The following CORO2A variants were observed in gnomAD, a reference collection of about 807,000 sequenced individuals.
CORO2A encodes the protein coronin 2A.
A neutral mutation model predicts 62.4 loss-of-function variants in CORO2A; 47 were observed. The ratio of observed to expected loss-of-function variants is 0.75; its 90% CI spans 0.60 to 0.96. The LOEUF (loss-of-function observed/expected upper bound fraction) is 0.96, where lower values mean the gene tolerates loss of function less well. Ranked by LOEUF, CORO2A falls within the 40% of genes least tolerant of loss-of-function variation. The pLI is 0.00. For synonymous variants in CORO2A, 273 were observed against 268.9 expected, an observed-to-expected ratio of 1.02 and a Z score of -0.15; for missense variants, 610 against 684.1, an observed-to-expected ratio of 0.89 and a Z score of 1.21.
chr9:98,184,914 C>T (rs114069454), intron 1 of CORO2A, among the ~76,000 whole-genome samples: 2,246 of 152,256 alleles, frequency 0.015, 51 homozygotes, highest in African/African-American at 0.051. Context: ...TAGGTAGGTG[C>T]CTGGCATTTT....
chr9:98,148,782 A>C (rs963482638), intron 2 of CORO2A, among the ~76,000 whole-genome samples: 9 of 147,326 alleles, frequency 6.1e-5, no homozygotes, highest in African/African-American at 1.5e-4. Context: ...AACAAACAAA[A>C]AAAACAAAAC....
At chr9:98,191,976 C>T (rs865830932) in intron 1 of CORO2A, among the ~76,000 whole-genome samples, 2 of 152,208 alleles carry the variant, frequency 1.3e-5, no homozygotes, top group Non-Finnish European at 2.9e-5. Flanking sequence ...GTCCAGCCAC[C>T]TCCAACCTAG....
At chr9:98,191,584 A>G (rs1416066146) in intron 1 of CORO2A, among the ~76,000 whole-genome samples, 2 of 152,154 alleles carry the variant, frequency 1.3e-5, no homozygotes, top group Non-Finnish European at 2.9e-5. Context: ...AACTAGTGAG[A>G]TTCCTATCAC....
chr9:98,162,102 T>TCC (rs1197339194), intron 1 of CORO2A, among the ~76,000 whole-genome samples: 5 of 152,124 alleles, frequency 3.3e-5, no homozygotes, highest in Non-Finnish European at 2.9e-5. Context: ...GCTACCTTGC[T>TCC]CCCCCGTTCA....
At chr9:98,131,330 C>CT (rs60302015) in intron 6 of CORO2A, among the ~76,000 whole-genome samples, 52,134 of 145,270 alleles carry the variant, frequency 0.36, 9,592 homozygotes, top group East Asian at 0.45. Context: ...TAACAAATCA[C>CT]TTTTTTTTTT....
chr9:98,136,027 C>T (rs1428385604), intron 3 of CORO2A, among the ~76,000 whole-genome samples: 1 of 152,234 alleles, frequency 6.6e-6, no homozygotes, highest in Non-Finnish European at 1.5e-5. Flanking sequence ...AGGAACACCC[C>T]ATAAATTCAC....
At chr9:98,173,074 G>A (rs1296096825) in intron 1 of CORO2A, among the ~76,000 whole-genome samples, 1 of 152,232 alleles carries the variant, frequency 6.6e-6, no homozygotes, top group Non-Finnish European at 1.5e-5. Flanking sequence ...GGAGGCCGAG[G>A]TGGGAGGATC....
chr9:98,172,264 C>T (rs1398752040), intron 1 of CORO2A, among the ~76,000 whole-genome samples: 1 of 148,700 alleles, frequency 6.7e-6, no homozygotes, highest in African/African-American at 2.5e-5. Context: ...GAGCTCAGTC[C>T]CACACCCCAC....
chr9:98,130,666 T>G (rs1373554279), intron 7 of CORO2A, among the ~76,000 whole-genome samples: 1 of 152,206 alleles, frequency 6.6e-6, no homozygotes, highest in Non-Finnish European at 1.5e-5. Context: ...TCCTACCCAG[T>G]GGAGACCTGT....
chr9:98,126,456 C>A, intron 11 of CORO2A, 93 bp downstream of exon 11: 1 of 1,495,292 alleles, frequency 6.7e-7, no homozygotes, highest in South Asian at 1.3e-5. Flanking sequence ...TTATTCTTCT[C>A]ATGCCTCATT....
At chr9:98,188,693 G>A (rs1828268169) in intron 1 of CORO2A, among the ~76,000 whole-genome samples, 1 of 152,264 alleles carries the variant, frequency 6.6e-6, no homozygotes, top group East Asian at 1.9e-4. Flanking sequence ...GAACCCAGGA[G>A]GCAGAGGCGG....
intron 1 of CORO2A, among the ~76,000 whole-genome samples, chr9:98,175,399 C>T (rs1828094235): frequency 6.6e-6 from 1 of 152,210 alleles, no homozygotes; most frequent in Admixed American, 6.5e-5. Context: ...ACCAGGGACC[C>T]CCTAATTAGC....
rs201915406 is a variant in CORO2A at position 98,126,777 on chromosome 9, G to C, written c.1218C>G (p.Pro406=). The C allele has an allele frequency of 6.2e-7, 1 of 1,614,052 alleles. No homozygotes were observed. The highest frequency in any genetic ancestry group is 8.5e-7 in the Non-Finnish European group (1 of 1,180,026). The part of the protein sequence containing the change: ...SLRPGSELLR[P]HPLPAERPIF... ...TAGGTCTCTCTGCAGGCAGTGGGTG[G>C]GGTCTCAGCAGCTCAGAGCCAGGCC... is the stretch of plus-strand genomic sequence containing the variant. Residue 406 remains proline, a synonymous_variant, in exon 11 of 12, where the codon CCC becomes CCG. Transcript: ENST00000375077.
At chr9:98,163,223 T>C (rs1166859063) in intron 1 of CORO2A, among the ~76,000 whole-genome samples, 1 of 152,260 alleles carries the variant, frequency 6.6e-6, no homozygotes, top group African/African-American at 2.4e-5. Flanking sequence ...AGTCTCGCTC[T>C]GTTGCCCAGG....
At chr9:98,173,627 A>G (rs1290099358) in intron 1 of CORO2A, among the ~76,000 whole-genome samples, 2 of 152,114 alleles carry the variant, frequency 1.3e-5, no homozygotes, top group Non-Finnish European at 2.9e-5. Context: ...CCTCCTTCTC[A>G]TGGTGCTCCA....
chr9:98,134,887 C>T lies in CORO2A; in HGVS notation c.387G>A (p.Val129=). Residue 129 remains valine, a synonymous_variant, in exon 4 of 12, where the codon GTG becomes GTA. Transcript: ENST00000375077. The part of the protein sequence containing the change: ...RNLTAYRKEL[V]GHARRVGLVE... ...CCAGGCCTACTCTGCGCGCGTGGCC[C>T]ACGAGTTCCTTCCTGTAGGCCGTGA... 1 of 1,614,168 alleles carries T rather than the reference C, an allele frequency of 6.2e-7. No homozygotes were observed. The highest frequency in any genetic ancestry group is 8.5e-7 in the Non-Finnish European group (1 of 1,180,040).
chr9:98,128,964 AC>A (rs1396144618), intron 8 of CORO2A, among the ~76,000 whole-genome samples: 1 of 152,108 alleles, frequency 6.6e-6, no homozygotes, highest in Non-Finnish European at 1.5e-5. Flanking sequence ...ACAAGGTCTC[AC>A]TCTGTTGCCC....
At chr9:98,173,037 G>A (rs1163659887) in intron 1 of CORO2A, among the ~76,000 whole-genome samples, 1 of 152,364 alleles carries the variant, frequency 6.6e-6, no homozygotes, top group Non-Finnish European at 1.5e-5. Context: ...CCCAGGTGGT[G>A]GCTCACGCTT....
chr9:98,151,961 C>G (rs962867789), intron 2 of CORO2A, among the ~76,000 whole-genome samples: 19 of 151,696 alleles, frequency 1.3e-4, no homozygotes, highest in African/African-American at 4.4e-4. Flanking sequence ...GGACCACAGG[C>G]GCACGCCACC....
Sources: gnomAD v4.1 joint callset for allele counts (sites outside exome capture counted in the v4.1 genomes callset) on GRCh38, gnomAD v4.1.1 for gene constraint, MANE v1.5 for transcripts, NCBI Gene and HGNC (gene_info 2026-07-23, HGNC 2026-07-21) for gene names.